PTP4A1: variants seen among roughly 807,000 people sequenced by gnomAD.
PTP4A1 encodes the protein protein tyrosine phosphatase 4A1.
Under a neutral mutation model 20.5 loss-of-function variants are expected in PTP4A1, and 9 were observed. The ratio of observed to expected loss-of-function variants is 0.44; its 90% CI spans 0.26 to 0.77. PTP4A1 has a LOEUF of 0.77. Among genes scored for constraint, PTP4A1 ranks in the 30% least tolerant of loss-of-function variants. PTP4A1 has a pLI of 0.19. For missense variants in PTP4A1, 137 were observed against 218.8 expected (o/e 0.63, Z 2.36); for synonymous variants, 78 against 67.4 (o/e 1.16, Z -0.77).
intron 2 of PTP4A1, among the ~76,000 whole-genome samples, chr6:63,543,956 T>G (rs1280344034): frequency 1.3e-5 from 2 of 152,246 alleles, no homozygotes; most frequent in Non-Finnish European, 2.9e-5. Flanking sequence ...TTTTTACAGA[T>G]ATAAAGAAAT....
At chr6:63,565,416 A>T (rs957240277) in intron 3 of PTP4A1, among the ~76,000 whole-genome samples, 1 of 152,178 alleles carries the variant, frequency 6.6e-6, no homozygotes, top group African/African-American at 2.4e-5. Flanking sequence ...ATAGAGATCG[A>T]TTCAAGAGAA....
chr6:63,523,792 A>G (rs1562110576), intron 1 of PTP4A1, among the ~76,000 whole-genome samples: 1 of 152,014 alleles, frequency 6.6e-6, no homozygotes, highest in Non-Finnish European at 1.5e-5. Context: ...GGCCCAGACA[A>G]TTCTTCTTTC....
intron 3 of PTP4A1, among the ~76,000 whole-genome samples, chr6:63,551,857 A>G (rs1371761486): frequency 6.6e-6 from 1 of 152,108 alleles, no homozygotes; most frequent in African/African-American, 2.4e-5. Context: ...CCACGTCCCT[A>G]CAAAGGACAT....
intron 2 of PTP4A1, among the ~76,000 whole-genome samples, chr6:63,529,478 C>T (rs997980913): frequency 6.6e-6 from 1 of 152,108 alleles, no homozygotes; most frequent in South Asian, 2.1e-4. Flanking sequence ...CCTCCTCCTT[C>T]ACCCCTCCCT....
Position 63,578,503 on chromosome 6 carries a change from G to A in PTP4A1, c.172G>A (p.Val58Met). Residue 58 changes from valine to methionine, a missense_variant, in exon 3 of 6, where the codon GTG becomes ATG. Val to Met is a conservative substitution (Grantham distance 21). Coordinates refer to ENST00000626021, the MANE Select transcript of PTP4A1 (RefSeq NM_003463.5). ...VCEATYDTTL[V>M]EKEGIHVLDW... ...TGAAGCAACTTATGACACTACTCTT[G>A]TGGAGAAAGAAGGTATCCATGTTCT... 1 of 1,612,188 alleles carries A rather than the reference G, an allele frequency of 6.2e-7. No homozygotes were observed.
chr6:63,535,081 T>A (rs548242730), intron 2 of PTP4A1, among the ~76,000 whole-genome samples: 5 of 151,152 alleles, frequency 3.3e-5, no homozygotes, highest in African/African-American at 1.2e-4. Flanking sequence ...TAATAATAAT[T>A]GTAAGAATGT....
At chr6:63,523,177 T>C (rs1343219933) in intron 1 of PTP4A1, among the ~76,000 whole-genome samples, 3 of 152,092 alleles carry the variant, frequency 2.0e-5, no homozygotes, top group Non-Finnish European at 4.4e-5. Context: ...AATCACTCTT[T>C]TATTTTTTTT....
intron 1 of PTP4A1, among the ~76,000 whole-genome samples, chr6:63,576,052 C>A (rs936760636): frequency 1.3e-5 from 2 of 150,658 alleles, no homozygotes; most frequent in Non-Finnish European, 3.0e-5. Flanking sequence ...AAGAAAACAA[C>A]TATCGAAAGG....
intron 1 of PTP4A1, among the ~76,000 whole-genome samples, chr6:63,525,069 A>G (rs538484730): frequency 2.3e-4 from 35 of 152,348 alleles, no homozygotes; most frequent in African/African-American, 7.9e-4. Context: ...AGCATTTCTG[A>G]AAGGGTGTTT....
chr6:63,522,703 T>C (rs1226660666), intron 1 of PTP4A1, among the ~76,000 whole-genome samples: 3 of 152,206 alleles, frequency 2.0e-5, no homozygotes, highest in African/African-American at 7.2e-5. Context: ...CTATTGCTCA[T>C]ATGTTTACTC....
chr6:63,527,343 G>C (rs981245011), intron 1 of PTP4A1, among the ~76,000 whole-genome samples: 1 of 152,004 alleles, frequency 6.6e-6, no homozygotes, highest in African/African-American at 2.4e-5. Context: ...ACAGATTCTC[G>C]TATCACCACA....
rs1778066038 is a variant in PTP4A1, at chr6:63,579,248, C to T, written c.330-9C>T. ...AAAAAACTATTTATCAAAATTCTTA[C>T]CTCACCAGAGCTCCAGTACTTGTTG... On this transcript the variant is annotated splice_polypyrimidine_tract_variant and intron_variant, in intron 4 of 5. Transcript: ENST00000626021. 3 of 1,596,858 alleles carry T rather than the reference C, an allele frequency of 1.9e-6. No individual in the cohort carries two copies. The highest frequency in any genetic ancestry group is 1.8e-5 in the Admixed American group (1 of 55,922).
At chr6:63,519,676 C>A (rs1037442685), upstream of PTP4A1, among the ~76,000 whole-genome samples, 2 of 152,168 alleles carry the variant, frequency 1.3e-5, no homozygotes, top group Non-Finnish European at 2.9e-5. Context: ...AAATGAAATA[C>A]AGGTCAGTCT....
chr6:63,551,938 A>C (rs1581929779), intron 3 of PTP4A1, among the ~76,000 whole-genome samples: 1 of 152,220 alleles, frequency 6.6e-6, no homozygotes, highest in Admixed American at 6.5e-5. Context: ...AATCCAGTCT[A>C]TCACTGATGG....
chr6:63,540,076 C>A (rs1375000428), intron 2 of PTP4A1, among the ~76,000 whole-genome samples: 1 of 152,108 alleles, frequency 6.6e-6, no homozygotes, highest in Non-Finnish European at 1.5e-5. Flanking sequence ...ATGCACCATG[C>A]CCCTGCACTT....
upstream of PTP4A1, among the ~76,000 whole-genome samples, chr6:63,520,630 CAAATAAATAAATAAATAAAT>C (rs201294226): frequency 5.0e-5 from 7 of 139,078 alleles, no homozygotes; most frequent in Admixed American, 7.2e-5. Flanking sequence ...GACTCTGTCT[CAAATAAATAAATAAATAAAT>C]AAATAAATAA....
chr6:63,550,946 C>T (rs967344186), intron 3 of PTP4A1, among the ~76,000 whole-genome samples: 3 of 151,944 alleles, frequency 2.0e-5, no homozygotes, highest in Non-Finnish European at 4.4e-5. Context: ...TTTCAAATAA[C>T]CTTTATTTTT....
intron 3 of PTP4A1, among the ~76,000 whole-genome samples, chr6:63,559,941 C>A (rs972015656): frequency 6.6e-6 from 1 of 152,020 alleles, no homozygotes. Flanking sequence ...GGTGTTTTTT[C>A]GTGACAACAG....
rs146664596 is a variant in PTP4A1 at position 63,542,632 on chromosome 6, G to A, written c.-639-7668G>A. 1.9e-3 allele frequency among the ~76,000 whole-genome samples: 296 copies of A among 152,048 alleles called. 1 individual carries two copies. The highest frequency in any genetic ancestry group is 6.6e-3 in the African/African-American group (274 of 41,454). On this transcript the variant is annotated intron_variant, in intron 2 of 3. Coordinates refer to the PTP4A1 transcript ENST00000639568. Reference sequence around the variant, plus strand: ...TTATTCCATTTAATTTCTCCTTGGCGCTTCACATAGTTGACCAGTTTTCTC... The same window carrying A: ...TTATTCCATTTAATTTCTCCTTGGCACTTCACATAGTTGACCAGTTTTCTC...
Sources: allele counts gnomAD v4.1 joint callset (sites outside exome capture counted in the v4.1 genomes callset), GRCh38; gene constraint gnomAD v4.1.1; transcripts MANE v1.5; gene names NCBI Gene and HGNC (gene_info 2026-07-23, HGNC 2026-07-21).